ANKH: variants seen among roughly 807,000 people sequenced by gnomAD.
ANKH encodes the protein mineralization regulator ANKH.
ANKH carries 15 observed loss-of-function variants against 49.0 expected under a neutral mutation model. The ratio of observed to expected loss-of-function variants is 0.31; its 90% CI spans 0.20 to 0.47. ANKH has a LOEUF of 0.47. ANKH is among the 20% of genes least tolerant of loss of function. The pLI is 1.00. For missense variants in ANKH, 429 were observed against 652.0 expected (o/e 0.66, Z 3.72); for synonymous variants, 273 against 260.0 (o/e 1.05, Z -0.48).
chr5:14,809,590 C>CT (rs1314713753), intron 1 of ANKH, among the ~76,000 whole-genome samples: 1 of 152,108 alleles, frequency 6.6e-6, no homozygotes, highest in Non-Finnish European at 1.5e-5. Context: ...ACAGAAAGCT[C>CT]TGAGTTTTTT....
chr5:14,869,583 A>C (rs1735756923), intron 1 of ANKH: 1 of 152,220 alleles, frequency 6.6e-6, no homozygotes, highest in Non-Finnish European at 1.5e-5. Context: ...AGTTAGAATT[A>C]TTAGACCTGC....
In ANKH at chr5:14,736,529, T is replaced by G. The variant is rs193131304; in HGVS notation, c.1011+5298A>C. Reference sequence around the variant, plus strand: ...CCCAAGGGCTGGGAGGGCCCCAGGGTCTCTGGGGCCTCCATTTTCCCTGTC... The same window carrying G: ...CCCAAGGGCTGGGAGGGCCCCAGGGGCTCTGGGGCCTCCATTTTCCCTGTC... On this transcript the variant is annotated intron_variant, in intron 8 of 11. Coordinates refer to ENST00000284268, the MANE Select transcript of ANKH (RefSeq NM_054027.6). Among the ~76,000 whole-genome samples, 339 of 152,190 alleles carry G rather than the reference T, an allele frequency of 2.2e-3. 2 individuals carry two copies. Among genetic ancestry groups the G allele is most frequent in the African/African-American group, 8.0e-3 (333 of 41,528 alleles).
chr5:14,807,908 G>C (rs1344954184), intron 1 of ANKH, among the ~76,000 whole-genome samples: 2 of 152,132 alleles, frequency 1.3e-5, no homozygotes, highest in African/African-American at 4.8e-5. Flanking sequence ...AGGTAAATTA[G>C]ACATGTATAT....
At chr5:14,720,552 CT>C (rs1167323841) in intron 8 of ANKH, among the ~76,000 whole-genome samples, 1 of 152,192 alleles carries the variant, frequency 6.6e-6, no homozygotes, top group East Asian at 1.9e-4. Context: ...CTGCTTCCAG[CT>C]TTGCTTTATA....
At chr5:14,861,525 C>T (rs570018912) in intron 1 of ANKH, among the ~76,000 whole-genome samples, 20 of 152,278 alleles carry the variant, frequency 1.3e-4, no homozygotes, top group African/African-American at 4.3e-4. Flanking sequence ...TCCTCACTGG[C>T]ATATTTCTGC....
At chr5:14,779,832 C>A (rs1196500729) in intron 1 of ANKH, among the ~76,000 whole-genome samples, 1 of 152,176 alleles carries the variant, frequency 6.6e-6, no homozygotes, top group Non-Finnish European at 1.5e-5. Flanking sequence ...ACTGAGCACC[C>A]AGTTGGCTGC....
intron 1 of ANKH, among the ~76,000 whole-genome samples, chr5:14,809,353 A>AAG (rs1740808468): frequency 1.4e-5 from 2 of 146,662 alleles, no homozygotes; most frequent in African/African-American, 5.0e-5. Flanking sequence ...AAAAAAAAAA[A>AAG]AAAAGAAAAA....
intron 3 of ANKH, 78 bp from the exon 4 acceptor site, chr5:14,756,022 A>C: frequency 8.1e-7 from 1 of 1,240,210 alleles, no homozygotes; most frequent in African/African-American, 1.5e-5. Flanking sequence ...TTTACTGGGC[A>C]TTCCTGAAAT....
In ANKH at chr5:14,709,554, T is replaced by C. The variant is rs1272543105; in HGVS notation, c.*1643A>G. ...TTTTTTGCTGTGAGGAACAATATGATCACACAGCACTGAAAACGGTAGACA... is the reference window on the plus strand; with the variant it reads ...TTTTTTGCTGTGAGGAACAATATGACCACACAGCACTGAAAACGGTAGACA... On this transcript the variant is annotated 3_prime_UTR_variant, in exon 12 of 12. Coordinates refer to ENST00000284268, the MANE Select transcript of ANKH (RefSeq NM_054027.6). The C allele has an allele frequency of 2.6e-5, 4 of 152,202 alleles. No individual in the cohort carries two copies. The highest frequency in any genetic ancestry group is 9.7e-5 in the African/African-American group (4 of 41,440). 9.4% of individuals were successfully genotyped at this position (152,202 alleles called of 1,614,324 possible).
Position 14,707,519 on chromosome 5 carries a change from G to A in ANKH, c.*3678C>T, listed in dbSNP as rs559482589. 1.3e-5 allele frequency: 2 copies of A among 152,272 alleles called. No homozygotes were observed. The highest frequency in any genetic ancestry group is 4.8e-5 in the African/African-American group (2 of 41,556). The allele number at this position is 152,272 out of a possible 1,614,324, so 9.4% of individuals were successfully genotyped here. ...TATGTAATGATTATTCCAACCAGGAGAGAGATCCAGAGGGCTGGGAGTGAG... is the reference window on the plus strand; with the variant it reads ...TATGTAATGATTATTCCAACCAGGAAAGAGATCCAGAGGGCTGGGAGTGAG... On this transcript the variant is annotated 3_prime_UTR_variant, in exon 12 of 12. Coordinates refer to ENST00000284268, the MANE Select transcript of ANKH (RefSeq NM_054027.6).
chr5:14,801,859 C>T (rs1390951532), intron 1 of ANKH, among the ~76,000 whole-genome samples: 2 of 152,178 alleles, frequency 1.3e-5, no homozygotes, highest in Admixed American at 1.3e-4. Context: ...AACATTACAA[C>T]CAACAATTTT....
Position 14,745,663 on chromosome 5 carries a change from C to A in ANKH, c.915+207G>T, listed in dbSNP as rs1738509729. 2.0e-5 allele frequency among the ~76,000 whole-genome samples: 3 copies of A among 152,236 alleles called. No individual in the cohort carries two copies. Among genetic ancestry groups the A allele is most frequent in the Admixed American group, 2.0e-4 (3 of 15,288 alleles). On this transcript the variant is annotated intron_variant, in intron 7 of 11. Transcript: ENST00000284268. This position sits in a 1 kb window ranked among gnomAD's most constrained non-coding sequence, Gnocchi z 4.7. The stretch of plus-strand genomic sequence containing the variant: ...CCACAGGCTGATCACTTTGGAAAAG[C>A]ATCCTGGGATCAGCGTCAAAGGTAA...
At chr5:14,717,290 G>GA (rs1379569653) in intron 8 of ANKH, among the ~76,000 whole-genome samples, 1 of 152,240 alleles carries the variant, frequency 6.6e-6, no homozygotes, top group Admixed American at 6.5e-5. Context: ...CACACATAAT[G>GA]AAAAGGGAAA....
intron 1 of ANKH, among the ~76,000 whole-genome samples, chr5:14,810,349 C>T (rs1163300151): frequency 4.6e-5 from 7 of 151,744 alleles, no homozygotes; most frequent in Non-Finnish European, 7.4e-5. Context: ...AGTAGAGGCG[C>T]GGTTTCACCA....
At chr5:14,763,940 T>A (rs1739175680) in intron 2 of ANKH, among the ~76,000 whole-genome samples, 1 of 151,792 alleles carries the variant, frequency 6.6e-6, no homozygotes, top group Non-Finnish European at 1.5e-5. Context: ...AATACAAAAA[T>A]TAGCTGGGTG....
intron 1 of ANKH, among the ~76,000 whole-genome samples, chr5:14,856,709 C>A (rs766686614): frequency 9.2e-5 from 14 of 152,206 alleles, no homozygotes; most frequent in Non-Finnish European, 1.2e-4. Flanking sequence ...GGAAAAAGAA[C>A]GTTTTCTCTT....
chr5:14,734,898 G>C (rs890315309), intron 8 of ANKH, among the ~76,000 whole-genome samples: 4 of 152,214 alleles, frequency 2.6e-5, no homozygotes, highest in Non-Finnish European at 4.4e-5. Context: ...GAGGCAATCT[G>C]GGGGTGAAGA....
At chr5:14,790,684 T>C (rs1383637149) in intron 1 of ANKH, among the ~76,000 whole-genome samples, 4 of 152,246 alleles carry the variant, frequency 2.6e-5, no homozygotes, top group African/African-American at 9.6e-5. Context: ...CTCGGCTCAC[T>C]GCAACCTTCG....
chr5:14,718,170 C>A (rs542734081), intron 8 of ANKH, among the ~76,000 whole-genome samples: 1 of 152,070 alleles, frequency 6.6e-6, no homozygotes, highest in Non-Finnish European at 1.5e-5. Flanking sequence ...GTGAGGCCCT[C>A]GCAGGTGAGA....
Sources: gnomAD v4.1 joint callset for allele counts (sites outside exome capture counted in the v4.1 genomes callset) on GRCh38, gnomAD v4.1.1 for gene constraint, Gnocchi (gnomAD v3.1) non-coding constraint, MANE v1.5 for transcripts, NCBI Gene and HGNC (gene_info 2026-07-23, HGNC 2026-07-21) for gene names.